The following OTUD7A variants were observed in gnomAD, a reference collection of about 807,000 sequenced individuals.
OTUD7A encodes OTU domain-containing protein 7A.
OTUD7A carries 12 observed loss-of-function variants against 65.7 expected under a neutral mutation model. The ratio of observed to expected loss-of-function variants is 0.18; its 90% CI spans 0.12 to 0.30. The LOEUF (loss-of-function observed/expected upper bound fraction) is 0.30. OTUD7A is among the 10% of genes least tolerant of loss of function. OTUD7A has a pLI of 1.00. For synonymous variants in OTUD7A, 641 were observed against 586.3 expected (o/e 1.09, Z -1.35); for missense variants, 1,148 against 1,304.8 (o/e 0.88, Z 1.85).
chr15:31,555,845 T>TTTTTC (rs1888473423), intron 5 of OTUD7A, among the ~76,000 whole-genome samples: 1 of 64,542 alleles, frequency 1.5e-5, no homozygotes, highest in Non-Finnish European at 3.0e-5. Flanking sequence ...ACCTCTGTTC[T>TTTTTC]TTTTCTTTTT....
intron 1 of OTUD7A, among the ~76,000 whole-genome samples, chr15:31,745,411 A>T (rs1319391048): frequency 6.6e-6 from 1 of 152,162 alleles, no homozygotes; most frequent in East Asian, 1.9e-4. Flanking sequence ...CTAGAAAGAA[A>T]CCCACAACCA....
intron 3 of OTUD7A, among the ~76,000 whole-genome samples, chr15:31,643,532 C>G (rs1339123469): frequency 6.6e-6 from 1 of 152,098 alleles, no homozygotes; most frequent in Non-Finnish European, 1.5e-5. Flanking sequence ...CAGTATGTAC[C>G]TTATTCTATT....
At chr15:31,793,607 T>C (rs759109090) in intron 1 of OTUD7A, among the ~76,000 whole-genome samples, 1 of 152,256 alleles carries the variant, frequency 6.6e-6, no homozygotes, top group Non-Finnish European at 1.5e-5. Context: ...TGCCATTTTC[T>C]TAAGTCCTCC....
At chr15:31,747,335 T>G (rs1894507662) in intron 1 of OTUD7A, among the ~76,000 whole-genome samples, 1 of 152,070 alleles carries the variant, frequency 6.6e-6, no homozygotes, top group African/African-American at 2.4e-5. Flanking sequence ...TAACATTCCC[T>G]AAATAAAAGA....
intron 1 of OTUD7A, among the ~76,000 whole-genome samples, chr15:31,829,541 T>G (rs532184569): frequency 2.0e-4 from 30 of 152,326 alleles, no homozygotes; most frequent in African/African-American, 7.0e-4. Flanking sequence ...ATGTCAAACA[T>G]TCCCAACCTT....
intron 1 of OTUD7A, chr15:31,767,273 A>G (rs1895115858): frequency 2.4e-6 from 2 of 848,482 alleles, no homozygotes; most frequent in African/African-American, 1.7e-5. Flanking sequence ...AGCCACAAAC[A>G]ACTACCACGA....
intron 3 of OTUD7A, among the ~76,000 whole-genome samples, chr15:31,632,124 G>A (rs2141250804): frequency 6.6e-6 from 1 of 152,286 alleles, no homozygotes; most frequent in South Asian, 2.1e-4. Flanking sequence ...TTGTTCCGTT[G>A]CTGGTGAGAA....
intron 1 of OTUD7A, among the ~76,000 whole-genome samples, chr15:31,789,097 T>A (rs34869195): frequency 0.24 from 36,405 of 152,124 alleles, 4,485 homozygotes; most frequent in Admixed American, 0.29. Flanking sequence ...ATAAATTTCA[T>A]TTTTTTAATA....
At chr15:31,690,717 C>T (rs4294789) in intron 1 of OTUD7A, among the ~76,000 whole-genome samples, 36,025 of 151,956 alleles carry the variant, frequency 0.24, 4,607 homozygotes, top group African/African-American at 0.32. Context: ...CTGGGAAAAC[C>T]GCATATCCAC....
intron 3 of OTUD7A, among the ~76,000 whole-genome samples, chr15:31,633,536 C>A (rs1891243447): frequency 6.6e-6 from 1 of 152,202 alleles, no homozygotes; most frequent in South Asian, 2.1e-4. Context: ...CCCAGGCCCT[C>A]AAAATGGTCG....
In OTUD7A at chr15:31,478,802, A is replaced by C. The variant is rs2041066358; in HGVS notation, c.*4492T>G. On this transcript the variant is annotated 3_prime_UTR_variant, in exon 13 of 13. Coordinates refer to ENST00000307050, the MANE Select transcript of OTUD7A (RefSeq NM_001382637.1). Reference sequence around the variant, plus strand: ...GTGACAGAAGCTTGCAGAGTGGTCCAGCCTGGATGTGCCGCAGGGCCTCCT... The same window carrying C: ...GTGACAGAAGCTTGCAGAGTGGTCCCGCCTGGATGTGCCGCAGGGCCTCCT... 1 of 152,428 alleles carries C rather than the reference A, an allele frequency of 6.6e-6. No homozygotes were observed. Among genetic ancestry groups the C allele is most frequent in the Admixed American group, 6.5e-5 (1 of 15,282 alleles). The allele number at this position is 152,428 out of a possible 1,614,324, so 9.4% of individuals were successfully genotyped here.
chr15:31,609,037 A>G (rs895126511), intron 3 of OTUD7A, among the ~76,000 whole-genome samples: 2 of 152,188 alleles, frequency 1.3e-5, no homozygotes, highest in Admixed American at 6.5e-5. Context: ...AGCAGAGTCA[A>G]TTTAGAGAGC....
chr15:31,507,634 T>TG (rs60691059), intron 8 of OTUD7A, among the ~76,000 whole-genome samples: 1 of 69,418 alleles, frequency 1.4e-5, no homozygotes, highest in African/African-American at 6.8e-5. Context: ...CGCTGCTGGC[T>TG]GGGGGGCGGG....
chr15:31,678,564 C>T (rs927097018), intron 1 of OTUD7A, among the ~76,000 whole-genome samples: 10 of 152,178 alleles, frequency 6.6e-5, no homozygotes, highest in South Asian at 2.1e-4. Flanking sequence ...GTGGCTAAAA[C>T]GGGCCAATGT....
chr15:31,534,421 C>T (rs1887729097), intron 5 of OTUD7A, among the ~76,000 whole-genome samples: 1 of 152,102 alleles, frequency 6.6e-6, no homozygotes. Flanking sequence ...TTTAAAAAAT[C>T]TACACAAACA....
intron 3 of OTUD7A, among the ~76,000 whole-genome samples, chr15:31,653,275 C>G (rs1031431528): frequency 1.3e-5 from 2 of 150,354 alleles, no homozygotes; most frequent in African/African-American, 4.9e-5. Flanking sequence ...AAAGAAAAAA[C>G]AAAGAAAAAT....
At chr15:31,857,638 TAAAC>T (rs1194616630) in intron 1 of OTUD7A, among the ~76,000 whole-genome samples, 1 of 152,086 alleles carries the variant, frequency 6.6e-6, no homozygotes, top group Non-Finnish European at 1.5e-5. Context: ...AATTGTGACA[TAAAC>T]AGCACATGCT....
chr15:31,586,443 C>A (rs927971166), intron 3 of OTUD7A, among the ~76,000 whole-genome samples: 1 of 152,174 alleles, frequency 6.6e-6, no homozygotes, highest in African/African-American at 2.4e-5. Flanking sequence ...GTGGGTACCA[C>A]AGGCATTCAC....
Position 31,479,582 on chromosome 15 carries a change from T to TCTTATA in OTUD7A, c.*3711_*3712insTATAAG, listed in dbSNP as rs545271108. 1 of 150,918 alleles carries TCTTATA rather than the reference T, an allele frequency of 6.6e-6. No individual in the cohort carries two copies. 9.3% of individuals were successfully genotyped at this position (150,918 alleles called of 1,614,324 possible). A position where few individuals can be genotyped will look rare whatever the true frequency, so the allele number is the denominator to read the frequency against. ...ACCACTGATAAGTACAGCCCTTTTA[T>TCTTATA]CTTAACCAATGGGAAGTATATTTTA... On this transcript the variant is annotated 3_prime_UTR_variant, in exon 13 of 13. Coordinates refer to ENST00000307050, the MANE Select transcript of OTUD7A (RefSeq NM_001382637.1).
Sources: gnomAD v4.1 joint callset for allele counts (sites outside exome capture counted in the v4.1 genomes callset) on GRCh38, gnomAD v4.1.1 for gene constraint, MANE v1.5 for transcripts, NCBI Gene and HGNC (gene_info 2026-07-23, HGNC 2026-07-21) for gene names.